Variants in CACNA2D3 observed in about 807,000 individuals in gnomAD.
The protein encoded by CACNA2D3 is calcium voltage-gated channel auxiliary subunit alpha2delta 3, also known as voltage-dependent calcium channel subunit alpha-2/delta-3.
In CACNA2D3, 60 loss-of-function variants were observed where a neutral mutation model predicts 160.6. The ratio of observed to expected loss-of-function variants is 0.37; its 90% CI spans 0.30 to 0.46. The LOEUF is 0.46. Ranked by LOEUF, CACNA2D3 falls within the 20% of genes least tolerant of loss-of-function variation. CACNA2D3 has a pLI of 1.00. For missense variants in CACNA2D3, 1,205 were observed against 1,365.0 expected, an observed-to-expected ratio of 0.88 and a Z score of 1.85; for synonymous variants, 558 against 492.9, an observed-to-expected ratio of 1.13 and a Z score of -1.75.
chr3:54,251,221 G>T (rs770919709), intron 2 of CACNA2D3, among the ~76,000 whole-genome samples: 7 of 152,138 alleles, frequency 4.6e-5, no homozygotes, highest in Non-Finnish European at 1.0e-4. Flanking sequence ...ATATTGGGGT[G>T]AGAGAGGAAA....
chr3:54,752,498 G>A (rs539152767), intron 11 of CACNA2D3, 101 bp from the exon 12 acceptor site: 2 of 737,596 alleles, frequency 2.7e-6, no homozygotes. Flanking sequence ...GAAGCATGGA[G>A]CATTAAAGAG....
chr3:54,281,520 C>T (rs927743244), intron 2 of CACNA2D3, among the ~76,000 whole-genome samples: 1 of 151,998 alleles, frequency 6.6e-6, no homozygotes. Flanking sequence ...CATGGCAGCT[C>T]TGTAATGAGG....
intron 18 of CACNA2D3, chr3:54,875,140 G>T (rs903538801): frequency 6.6e-6 from 1 of 152,090 alleles, no homozygotes; most frequent in Admixed American, 6.6e-5. Flanking sequence ...ATATTTCTGA[G>T]ACCTTAGTCC....
At chr3:54,972,873 C>A (rs1364820398) in intron 29 of CACNA2D3, among the ~76,000 whole-genome samples, 2 of 152,194 alleles carry the variant, frequency 1.3e-5, no homozygotes, top group African/African-American at 4.8e-5. Flanking sequence ...TTCACACACT[C>A]ATTTCTTCCT....
At chr3:54,444,403 A>G (rs1247334731) in intron 4 of CACNA2D3, among the ~76,000 whole-genome samples, 3 of 152,150 alleles carry the variant, frequency 2.0e-5, no homozygotes, top group East Asian at 1.9e-4. Context: ...TGTGTTTTCA[A>G]AACATTCCCT....
chr3:54,465,593 C>G (rs1340883401), intron 4 of CACNA2D3, among the ~76,000 whole-genome samples: 2 of 152,114 alleles, frequency 1.3e-5, no homozygotes, highest in Non-Finnish European at 2.9e-5. Flanking sequence ...GGGAGGTAAA[C>G]TGCTCACTTA....
chr3:54,266,084 G>C (rs1013295365), intron 2 of CACNA2D3, among the ~76,000 whole-genome samples: 1 of 152,142 alleles, frequency 6.6e-6, no homozygotes, highest in Non-Finnish European at 1.5e-5. Context: ...AGTGGAAAAA[G>C]TTCTTAGGTC....
intron 29 of CACNA2D3, 142 bp downstream of exon 29, chr3:54,969,986 C>G (rs1214959749): frequency 1.7e-6 from 1 of 590,478 alleles, no homozygotes; most frequent in Non-Finnish European, 2.9e-6. Context: ...AAATCATTTG[C>G]TTTATTTGCT....
chr3:54,511,231 C>A (rs1045452379), intron 5 of CACNA2D3, among the ~76,000 whole-genome samples: 4 of 152,220 alleles, frequency 2.6e-5, no homozygotes, highest in African/African-American at 9.6e-5. Flanking sequence ...CCTCTGCCCC[C>A]TCATTTATGC....
At chr3:54,437,066 A>G (rs146929767) in intron 4 of CACNA2D3, among the ~76,000 whole-genome samples, 20 of 152,318 alleles carry the variant, frequency 1.3e-4, no homozygotes, top group African/African-American at 4.3e-4. Context: ...AGCAACCACT[A>G]TTTCAAATTG....
At chr3:54,622,834 C>A (rs1023230229) in intron 9 of CACNA2D3, among the ~76,000 whole-genome samples, 1 of 152,096 alleles carries the variant, frequency 6.6e-6, no homozygotes, top group Non-Finnish European at 1.5e-5. Flanking sequence ...ACAAATCCTC[C>A]GTGCCATGGG....
At chr3:54,125,905 TCTGTGCACC>T (rs1699581917) in intron 2 of CACNA2D3, among the ~76,000 whole-genome samples, 2 of 152,234 alleles carry the variant, frequency 1.3e-5, no homozygotes, top group Admixed American at 6.5e-5. Context: ...AAGTCAGAGC[TCTGTGCACC>T]CTGCCATCAT....
intron 2 of CACNA2D3, among the ~76,000 whole-genome samples, chr3:54,158,008 A>G (rs929396217): frequency 3.9e-5 from 6 of 152,214 alleles, no homozygotes; most frequent in African/African-American, 1.4e-4. Context: ...ATTGCCACCT[A>G]AGGTGGGAGG....
intron 2 of CACNA2D3, among the ~76,000 whole-genome samples, chr3:54,203,300 G>A (rs1347099540): frequency 1.3e-5 from 2 of 152,166 alleles, no homozygotes; most frequent in Non-Finnish European, 2.9e-5. Flanking sequence ...TCACTGCCTT[G>A]TTGCTCAAAC....
At chr3:54,617,733 G>C (rs943754530) in intron 9 of CACNA2D3, among the ~76,000 whole-genome samples, 1 of 152,196 alleles carries the variant, frequency 6.6e-6, no homozygotes, top group African/African-American at 2.4e-5. Flanking sequence ...GGCAGGCTGA[G>C]CTAGGAGGAT....
chr3:54,629,553 A>T (rs1699189514), intron 10 of CACNA2D3, among the ~76,000 whole-genome samples: 1 of 152,192 alleles, frequency 6.6e-6, no homozygotes, highest in African/African-American at 2.4e-5. Context: ...CGGTCACCTA[A>T]TGAGCTCCAA....
chr3:54,879,337 T>C lies in CACNA2D3; in HGVS notation c.1783-13T>C, dbSNP rs1699738656. ...TTCTTTTCTCTACGACTTTTTTTTT[T>C]TTTTCAATCTAGAAACGGGTTTTGG... is the stretch of plus-strand genomic sequence containing the variant. On this transcript the variant is annotated splice_polypyrimidine_tract_variant and intron_variant, in intron 19 of 37. Coordinates refer to ENST00000474759, the MANE Select transcript of CACNA2D3 (RefSeq NM_018398.3). 6.3e-7 allele frequency: 1 copy of C among 1,592,488 alleles called. No homozygotes were observed. Among genetic ancestry groups the C allele is most frequent in the Admixed American group, 1.8e-5 (1 of 55,880 alleles).
chr3:54,432,671 G>A (rs367626675), intron 4 of CACNA2D3, among the ~76,000 whole-genome samples: 6 of 152,148 alleles, frequency 3.9e-5, no homozygotes, highest in East Asian at 1.9e-4. Flanking sequence ...AGAATGTGAG[G>A]CTTTCAGCAT....
At chr3:54,903,057 A>G (rs1700374451) in intron 27 of CACNA2D3, among the ~76,000 whole-genome samples, 1 of 151,966 alleles carries the variant, frequency 6.6e-6, no homozygotes, top group Non-Finnish European at 1.5e-5. Flanking sequence ...ATTTTTTTTT[A>G]TTTAACTTTA....
Sources: allele counts gnomAD v4.1 joint callset (sites outside exome capture counted in the v4.1 genomes callset), GRCh38; gene constraint gnomAD v4.1.1; transcripts MANE v1.5; gene names NCBI Gene and HGNC (gene_info 2026-07-23, HGNC 2026-07-21).